Variants in ITGA1 observed in about 807,000 individuals in gnomAD.
ITGA1 encodes the protein integrin alpha-1.
In ITGA1, 85 loss-of-function variants were observed where a neutral mutation model predicts 145.9. That is an observed-to-expected ratio of 0.58 (90% CI 0.49 to 0.70). The LOEUF (loss-of-function observed/expected upper bound fraction) is 0.70. Ranked by LOEUF, ITGA1 falls within the 30% of genes least tolerant of loss-of-function variation. The pLI is 0.00. For missense variants in ITGA1, 1,351 were observed against 1,418.7 expected, an observed-to-expected ratio of 0.95 and a Z score of 0.77; for synonymous variants, 520 against 495.3, an observed-to-expected ratio of 1.05 and a Z score of -0.66.
Position 52,952,454 on chromosome 5 carries a change from T to C in ITGA1, c.*3T>C. ...TGAAAAAGAAAATGGAGAAATGAAA[T>C]ATTTTATGAAAGAAAATAATAACAA... On this transcript the variant is annotated 3_prime_UTR_variant, in exon 29 of 29. Coordinates refer to ENST00000282588, the MANE Select transcript of ITGA1 (RefSeq NM_181501.2). 1 of 1,335,278 alleles carries C rather than the reference T, an allele frequency of 7.5e-7. No individual in the cohort carries two copies. 82.7% of individuals were successfully genotyped at this position (1,335,278 alleles called of 1,614,324 possible).
intron 8 of ITGA1, among the ~76,000 whole-genome samples, chr5:52,892,187 C>G (rs989772838): frequency 5.9e-5 from 9 of 152,226 alleles, no homozygotes; most frequent in South Asian, 2.1e-4. Context: ...TGAACAGACA[C>G]TAACTACACC....
At chr5:52,803,957 A>G (rs1361178058) in intron 1 of ITGA1, 3 of 152,160 alleles carry the variant, frequency 2.0e-5, no homozygotes, top group Non-Finnish European at 4.4e-5. Context: ...TTAACTGGCC[A>G]TACTCAACTG....
chr5:52,893,649 T>C, intron 8 of ITGA1, 26 bp from the exon 9 acceptor site: 1 of 1,593,196 alleles, frequency 6.3e-7, no homozygotes, highest in Non-Finnish European at 8.6e-7. Flanking sequence ...TTAAAATATA[T>C]TCTTGCTGTT....
intron 6 of ITGA1, among the ~76,000 whole-genome samples, chr5:52,877,637 G>T (rs962444668): frequency 1.3e-5 from 2 of 152,172 alleles, no homozygotes; most frequent in Non-Finnish European, 2.9e-5. Context: ...GAATATAACT[G>T]CAAAACTGCC....
intron 2 of ITGA1, among the ~76,000 whole-genome samples, chr5:52,860,132 T>C (rs541517830): frequency 7.9e-5 from 12 of 152,358 alleles, no homozygotes; most frequent in South Asian, 2.1e-4. Flanking sequence ...ATGTTGAGAT[T>C]CATCTGAATT....
intron 1 of ITGA1, among the ~76,000 whole-genome samples, chr5:52,826,720 C>T (rs867224339): frequency 7.2e-5 from 11 of 152,164 alleles, no homozygotes; most frequent in African/African-American, 2.4e-4. Flanking sequence ...ATAAATGGAA[C>T]AACAAAACCT....
At chr5:52,910,999 A>C (rs1383612727) in intron 14 of ITGA1, among the ~76,000 whole-genome samples, 1 of 121,694 alleles carries the variant, frequency 8.2e-6, no homozygotes, top group Non-Finnish European at 1.6e-5. Context: ...TATATATAGT[A>C]TGTATACTGT....
rs1246967053 is a variant in ITGA1 at position 52,949,543 on chromosome 5, A to G, written c.3495+2082A>G. ...TCCCATGATTACTAGCTAGTAAATG[A>G]CTGGATTCAAGGAATGATCTACAGA... On this transcript the variant is annotated intron_variant, in intron 28 of 28. Transcript: ENST00000282588. 3.9e-5 allele frequency among the ~76,000 whole-genome samples: 6 copies of G among 152,168 alleles called. 1 individual carries two copies. Among genetic ancestry groups the G allele is most frequent in the Admixed American group, 3.3e-4 (5 of 15,276 alleles).
chr5:52,837,411 C>T (rs565728962), intron 1 of ITGA1, among the ~76,000 whole-genome samples: 2 of 152,242 alleles, frequency 1.3e-5, no homozygotes, highest in East Asian at 3.9e-4. Flanking sequence ...ACCGGTGAGG[C>T]ACTCACCCCA....
intron 1 of ITGA1, among the ~76,000 whole-genome samples, chr5:52,841,770 A>T (rs1184934569): frequency 6.6e-6 from 1 of 152,228 alleles, no homozygotes; most frequent in Non-Finnish European, 1.5e-5. Flanking sequence ...TTTAGTAGGT[A>T]AAAGTAAATT....
At chr5:52,858,110 T>C (rs997045664) in intron 2 of ITGA1, among the ~76,000 whole-genome samples, 3 of 152,230 alleles carry the variant, frequency 2.0e-5, no homozygotes, top group Non-Finnish European at 1.5e-5. Flanking sequence ...CCATATCTTG[T>C]CATTTGACTC....
intron 1 of ITGA1, among the ~76,000 whole-genome samples, chr5:52,794,306 A>G (rs1231242137): frequency 6.6e-6 from 1 of 151,978 alleles, no homozygotes; most frequent in African/African-American, 2.4e-5. Context: ...TTTGTTACAA[A>G]TCATATATCC....
intron 1 of ITGA1, among the ~76,000 whole-genome samples, chr5:52,811,082 A>G (rs1748677393): frequency 6.6e-6 from 1 of 152,246 alleles, no homozygotes; most frequent in African/African-American, 2.4e-5. Flanking sequence ...AAAAATTACA[A>G]AATAATTCAA....
chr5:52,936,524 G>A (rs1480563895), intron 23 of ITGA1, among the ~76,000 whole-genome samples: 2 of 152,158 alleles, frequency 1.3e-5, no homozygotes, highest in South Asian at 2.1e-4. Context: ...AGATCAAGGC[G>A]TTCCCTACCC....
chr5:52,886,934 GCA>G (rs1319843433), intron 7 of ITGA1, among the ~76,000 whole-genome samples: 1 of 152,000 alleles, frequency 6.6e-6, no homozygotes, highest in Non-Finnish European at 1.5e-5. Flanking sequence ...GCCCGCCACC[GCA>G]CCCGGCTAAT....
At chr5:52,846,126 C>T (rs924237090) in intron 1 of ITGA1, among the ~76,000 whole-genome samples, 6 of 152,132 alleles carry the variant, frequency 3.9e-5, no homozygotes, top group South Asian at 2.1e-4. Context: ...GGCGGCCGGG[C>T]GCAGTGACTC....
At chr5:52,792,428 T>C (rs1258239998) in intron 1 of ITGA1, among the ~76,000 whole-genome samples, 1 of 152,208 alleles carries the variant, frequency 6.6e-6, no homozygotes, top group African/African-American at 2.4e-5. Flanking sequence ...TTTGTTTGTT[T>C]AGTAAACAGG....
chr5:52,801,654 C>T (rs1231935811), intron 1 of ITGA1: 1 of 1,614,146 alleles, frequency 6.2e-7, no homozygotes, highest in Admixed American at 1.7e-5. Flanking sequence ...AGGATGTAGC[C>T]ACACGGAGCC....
chr5:52,865,315 T>C (rs1044677786), intron 5 of ITGA1, among the ~76,000 whole-genome samples: 2 of 152,198 alleles, frequency 1.3e-5, no homozygotes, highest in Non-Finnish European at 2.9e-5. Flanking sequence ...TAGATAAAGC[T>C]GTCATGCTGC....
Sources: allele counts gnomAD v4.1 joint callset (sites outside exome capture counted in the v4.1 genomes callset), GRCh38; gene constraint gnomAD v4.1.1; transcripts MANE v1.5; gene names NCBI Gene and HGNC (gene_info 2026-07-23, HGNC 2026-07-21).